TMEM164: variants seen among roughly 807,000 people sequenced by gnomAD.
The protein encoded by TMEM164 is transmembrane protein 164, also known as RP13-360B22.2.
In TMEM164, 4 loss-of-function variants were observed where a neutral mutation model predicts 18.8. That is an observed-to-expected ratio of 0.21 (90% CI 0.10 to 0.49). The LOEUF (loss-of-function observed/expected upper bound fraction) is 0.49, where lower values mean the gene tolerates loss of function less well. Among genes scored for constraint, TMEM164 ranks in the 20% least tolerant of loss-of-function variants. TMEM164 has a pLI of 0.98. For missense variants in TMEM164, 108 were observed against 239.9 expected, an observed-to-expected ratio of 0.45 and a Z score of 3.63; for synonymous variants, 86 against 101.7, an observed-to-expected ratio of 0.85 and a Z score of 0.93.
rs1055720373 is a variant in TMEM164, at chrX:110,034,376, A to C, written c.390+30212A>C. 3.6e-5 allele frequency among the ~76,000 whole-genome samples: 4 copies of C among 112,434 alleles called. No homozygotes were observed. In the Admixed American group the frequency reaches 3.8e-4, roughly 11 times the overall value. On this transcript the variant is annotated intron_variant, in intron 2 of 6. Transcript: ENST00000372068. ...AAAAGCAATGCATACTCATTATAGA[A>C]AATTTGGAAACTAAAGAATTTGGCA...
intron 2 of TMEM164, among the ~76,000 whole-genome samples, chrX:110,050,098 G>A (rs1200485853): frequency 8.9e-6 from 1 of 111,784 alleles, no homozygotes; most frequent in Non-Finnish European, 1.9e-5. Flanking sequence ...CCCCGTCACT[G>A]ATTTGCTTGT....
At chrX:110,042,796 T>G (rs766134422) in intron 2 of TMEM164, among the ~76,000 whole-genome samples, 3 of 112,722 alleles carry the variant, frequency 2.7e-5, no homozygotes, top group Non-Finnish European at 5.6e-5. Context: ...GTTTATTTCA[T>G]GTGCTTATTA....
intron 2 of TMEM164, among the ~76,000 whole-genome samples, chrX:110,057,430 C>T (rs1168578091): frequency 9.0e-6 from 1 of 110,744 alleles, no homozygotes; most frequent in African/African-American, 3.3e-5. Context: ...GTTTCTATAT[C>T]TTTGCTATTG....
intron 5 of TMEM164, among the ~76,000 whole-genome samples, chrX:110,161,751 T>G (rs2067096724): frequency 8.9e-6 from 1 of 112,200 alleles, no homozygotes; most frequent in Non-Finnish European, 1.9e-5. Flanking sequence ...TCCTATATGG[T>G]TGGAGGACCC....
chrX:110,181,048 C>G (rs1001065518), downstream of TMEM164, among the ~76,000 whole-genome samples: 7 of 111,348 alleles, frequency 6.3e-5, no homozygotes, highest in African/African-American at 2.3e-4. Flanking sequence ...AGCGTGTCGG[C>G]GCTAACAAGA....
At chrX:110,011,125 T>C (rs985351894) in intron 2 of TMEM164, among the ~76,000 whole-genome samples, 1 of 111,566 alleles carries the variant, frequency 9.0e-6, no homozygotes, top group African/African-American at 3.3e-5. Context: ...TGCCAGGTAT[T>C]GGAGATTCAA....
chrX:110,016,098 A>G (rs1933351658), intron 2 of TMEM164, among the ~76,000 whole-genome samples: 1 of 112,649 alleles, frequency 8.9e-6, no homozygotes, highest in African/African-American at 3.2e-5. Flanking sequence ...GTTTGGCCAT[A>G]TCTCACAGCC....
intron 3 of TMEM164, among the ~76,000 whole-genome samples, chrX:110,072,604 T>C (rs1322348111): frequency 9.0e-6 from 1 of 111,655 alleles, no homozygotes; most frequent in Non-Finnish European, 1.9e-5. Context: ...GGACTTGATC[T>C]TGTCTGTTTT....
At chrX:110,102,278 A>G (rs2066123861) in intron 3 of TMEM164, among the ~76,000 whole-genome samples, 1 of 110,542 alleles carries the variant, frequency 9.0e-6, no homozygotes, top group Admixed American at 9.6e-5. Flanking sequence ...TGGGAGGCGG[A>G]CGTTGTAGTG....
At chrX:110,097,430 G>T (rs1379883732) in intron 3 of TMEM164, among the ~76,000 whole-genome samples, 7 of 112,905 alleles carry the variant, frequency 6.2e-5, no homozygotes, top group Admixed American at 1.9e-4. Flanking sequence ...AACAGATGAA[G>T]TAGAGCTACA....
At chrX:110,068,038 A>G (rs2065528012) in intron 3 of TMEM164, among the ~76,000 whole-genome samples, 1 of 112,750 alleles carries the variant, frequency 8.9e-6, no homozygotes, top group South Asian at 3.6e-4. Flanking sequence ...GTTGCTAATG[A>G]GAAGCCAAAT....
intron 5 of TMEM164, among the ~76,000 whole-genome samples, chrX:110,168,007 C>A (rs192703470): frequency 8.9e-6 from 1 of 112,110 alleles, no homozygotes; most frequent in Non-Finnish European, 1.9e-5. Flanking sequence ...AGGACACCCC[C>A]CACCAACACC....
intron 3 of TMEM164, among the ~76,000 whole-genome samples, chrX:110,094,818 G>T (rs1006254722): frequency 3.6e-5 from 4 of 111,892 alleles, no homozygotes; most frequent in Non-Finnish European, 3.8e-5. Context: ...GGCTGGTACC[G>T]GTTGTTTCTT....
chrX:110,071,498 G>T (rs759281053), intron 3 of TMEM164, among the ~76,000 whole-genome samples: 3 of 109,119 alleles, frequency 2.7e-5, no homozygotes, highest in Non-Finnish European at 5.7e-5. Context: ...TACATTGCTG[G>T]GTTCTATTTG....
chrX:110,034,053 C>T (rs1305968150), intron 2 of TMEM164, among the ~76,000 whole-genome samples: 3 of 111,194 alleles, frequency 2.7e-5, no homozygotes, highest in Admixed American at 9.6e-5. Context: ...CATTCAGAGG[C>T]GGAAGACTGA....
chrX:110,181,707 C>T (rs1430698938), downstream of TMEM164, among the ~76,000 whole-genome samples: 6 of 112,891 alleles, frequency 5.3e-5, no homozygotes, highest in Non-Finnish European at 9.4e-5. Context: ...TCATACCTTT[C>T]CTGAACTCCA....
At position 110,065,829 on chromosome X, in the gene TMEM164, G is replaced by GT. The variant is rs1266603261; in HGVS notation, c.391-1517dup. Among the ~76,000 whole-genome samples, 3 of 111,868 alleles carry GT rather than the reference G, an allele frequency of 2.7e-5. No homozygotes were observed. The East Asian group carries it at 8.4e-4, about 31-fold the overall frequency. Reference sequence around the variant, plus strand: ...TATGGGAAACATATGAATATTCACCGTAAGTGGAAGAAATAAAGTCTATAA... The same window carrying GT: ...TATGGGAAACATATGAATATTCACCGTTAAGTGGAAGAAATAAAGTCTATAA... On this transcript the variant is annotated intron_variant, in intron 2 of 6. Coordinates refer to ENST00000372068, the MANE Select transcript of TMEM164 (RefSeq NM_032227.4).
At chrX:110,124,168 A>AAGGCAGGC (rs1167984011) in intron 4 of TMEM164, among the ~76,000 whole-genome samples, 1 of 92,285 alleles carries the variant, frequency 1.1e-5, no homozygotes, top group Non-Finnish European at 2.1e-5. Flanking sequence ...GGAAGGAAGG[A>AAGGCAGGC]AGGAAGGAAG....
intron 3 of TMEM164, among the ~76,000 whole-genome samples, chrX:110,076,925 T>C (rs752286207): frequency 3.6e-5 from 4 of 112,275 alleles, no homozygotes; most frequent in African/African-American, 6.5e-5. Context: ...GAAGAGTGTT[T>C]ATTCTGTGAT....
Sources: allele counts gnomAD v4.1 joint callset (sites outside exome capture counted in the v4.1 genomes callset), GRCh38; gene constraint gnomAD v4.1.1; transcripts MANE v1.5; gene names NCBI Gene and HGNC (gene_info 2026-07-23, HGNC 2026-07-21).